The following LRRTM4 variants were observed in gnomAD, a reference collection of about 807,000 sequenced individuals.
LRRTM4 encodes leucine-rich repeat transmembrane neuronal protein 4.
A neutral mutation model predicts 47.6 loss-of-function variants in LRRTM4; 25 were observed. The observed-to-expected ratio is 0.53, with a 90% CI of 0.38 to 0.73. LRRTM4 has a LOEUF of 0.73. LRRTM4 is among the 30% of genes least tolerant of loss of function. The pLI, the probability that LRRTM4 is intolerant of heterozygous loss-of-function variation, is 0.00. For missense variants in LRRTM4, 638 were observed against 713.4 expected (o/e 0.89, Z 1.20); for synonymous variants, 311 against 269.5 (o/e 1.15, Z -1.51).
chr2:76,801,258 C>G (rs1426082734), intron 3 of LRRTM4, among the ~76,000 whole-genome samples: 1 of 151,968 alleles, frequency 6.6e-6, no homozygotes, highest in East Asian at 1.9e-4. Flanking sequence ...AGACTTGGAA[C>G]CAACCCAAAT....
At chr2:76,993,088 G>A (rs1192846186) in intron 3 of LRRTM4, among the ~76,000 whole-genome samples, 1 of 151,718 alleles carries the variant, frequency 6.6e-6, no homozygotes, top group Non-Finnish European at 1.5e-5. Context: ...AATAAAACTG[G>A]ACCCTTACCT....
chr2:77,057,546 T>C (rs777220885), intron 3 of LRRTM4, among the ~76,000 whole-genome samples: 10 of 152,158 alleles, frequency 6.6e-5, no homozygotes, highest in Admixed American at 3.3e-4. Context: ...TTACTATTAG[T>C]AACATGAATT....
chr2:76,985,470 C>G (rs1676761543), intron 3 of LRRTM4, among the ~76,000 whole-genome samples: 1 of 151,944 alleles, frequency 6.6e-6, no homozygotes, highest in Admixed American at 6.6e-5. Flanking sequence ...GATGTCCCTT[C>G]CAGAGACCTT....
intron 3 of LRRTM4, among the ~76,000 whole-genome samples, chr2:77,405,080 T>C (rs1674130157): frequency 6.6e-6 from 1 of 152,106 alleles, no homozygotes; most frequent in Admixed American, 6.6e-5. Context: ...AAATAGCAAG[T>C]GTAAGCCATG....
intron 3 of LRRTM4, among the ~76,000 whole-genome samples, chr2:77,247,365 C>T (rs932155586): frequency 3.3e-5 from 5 of 152,088 alleles, no homozygotes; most frequent in African/African-American, 1.2e-4. Flanking sequence ...TGAAGGATCA[C>T]AAAACCACAC....
chr2:77,163,540 T>C (rs1040882537), intron 3 of LRRTM4, among the ~76,000 whole-genome samples: 1 of 152,094 alleles, frequency 6.6e-6, no homozygotes, highest in East Asian at 1.9e-4. Flanking sequence ...TTACCAAAGA[T>C]GACGTGAAGG....
At chr2:77,378,908 T>C (rs1446163018) in intron 3 of LRRTM4, among the ~76,000 whole-genome samples, 1 of 152,192 alleles carries the variant, frequency 6.6e-6, no homozygotes, top group African/African-American at 2.4e-5. Context: ...CTCAGAAATA[T>C]TAAATCTTCC....
intron 3 of LRRTM4, among the ~76,000 whole-genome samples, chr2:77,272,129 T>A (rs769362357): frequency 6.6e-6 from 1 of 152,150 alleles, no homozygotes; most frequent in African/African-American, 2.4e-5. Context: ...ATTATAATCA[T>A]TCCCTCTGTA....
intron 3 of LRRTM4, among the ~76,000 whole-genome samples, chr2:76,795,636 G>A (rs1376479068): frequency 6.6e-6 from 1 of 151,718 alleles, no homozygotes; most frequent in Non-Finnish European, 1.5e-5. Flanking sequence ...GATGGACACA[G>A]GTTGACTCCA....
intron 3 of LRRTM4, among the ~76,000 whole-genome samples, chr2:76,832,722 A>G (rs1390095754): frequency 6.6e-6 from 1 of 152,078 alleles, no homozygotes; most frequent in Non-Finnish European, 1.5e-5. Flanking sequence ...AGGTAGTAAC[A>G]TTAATTAAAA....
rs140101416 is a variant in LRRTM4 at position 76,806,942 on chromosome 2, A to G, written c.1552-58026T>C. ...TGACTTATAAACTTATGGCCATATAAAAATTCACTGGCAGACAGAGAAATA... is the reference window on the plus strand; with the variant it reads ...TGACTTATAAACTTATGGCCATATAGAAATTCACTGGCAGACAGAGAAATA... On this transcript the variant is annotated intron_variant, in intron 3 of 3. Coordinates refer to ENST00000409884, the MANE Select transcript of LRRTM4 (RefSeq NM_001134745.3). Among the ~76,000 whole-genome samples the G allele has an allele frequency of 1.5e-4, 23 of 152,322 alleles. No homozygotes were observed. The East Asian group carries it at 4.4e-3, about 29-fold the overall frequency.
chr2:76,989,839 C>G (rs1676941289), intron 3 of LRRTM4: 2 of 151,680 alleles, frequency 1.3e-5, no homozygotes, highest in African/African-American at 4.8e-5. Context: ...ATTTGGTTTA[C>G]TTATCTCAAA....
intron 3 of LRRTM4, among the ~76,000 whole-genome samples, chr2:77,507,768 T>C (rs72813109): frequency 2.6e-5 from 4 of 152,072 alleles, no homozygotes; most frequent in Non-Finnish European, 5.9e-5. Flanking sequence ...TACTATCAAA[T>C]TGGAATCCCT....
chr2:77,488,646 A>C (rs945333942), intron 3 of LRRTM4, among the ~76,000 whole-genome samples: 1 of 152,230 alleles, frequency 6.6e-6, no homozygotes, highest in Non-Finnish European at 1.5e-5. Context: ...GGAATATAAC[A>C]AGCTCTTCTT....
chr2:77,010,268 T>G (rs1185164281), intron 3 of LRRTM4, among the ~76,000 whole-genome samples: 1 of 152,032 alleles, frequency 6.6e-6, no homozygotes, highest in Non-Finnish European at 1.5e-5. Flanking sequence ...ATTTGTGTTG[T>G]TTGATTAATA....
At chr2:77,502,309 T>C (rs1456137551) in intron 3 of LRRTM4, among the ~76,000 whole-genome samples, 1 of 151,432 alleles carries the variant, frequency 6.6e-6, no homozygotes, top group Non-Finnish European at 1.5e-5. Flanking sequence ...TTTGCTTTTA[T>C]GTATTTTATC....
chr2:77,276,686 CAT>C (rs3980215), intron 3 of LRRTM4, among the ~76,000 whole-genome samples: 4,746 of 70,448 alleles, frequency 0.067, 93 homozygotes, highest in East Asian at 0.083. Flanking sequence ...TTTGTGTACG[CAT>C]ATATATATAT....
chr2:77,157,106 A>G (rs1171401944), intron 3 of LRRTM4, among the ~76,000 whole-genome samples: 4 of 152,180 alleles, frequency 2.6e-5, no homozygotes, highest in Admixed American at 2.0e-4. Flanking sequence ...ATATCCAAGG[A>G]GGCATTACTT....
intron 3 of LRRTM4, among the ~76,000 whole-genome samples, chr2:76,956,277 A>C (rs994706523): frequency 1.3e-5 from 2 of 151,774 alleles, no homozygotes; most frequent in African/African-American, 4.8e-5. Flanking sequence ...GGAAACTAGA[A>C]ATTAATAGCA....
Sources: gnomAD v4.1 joint callset for allele counts (sites outside exome capture counted in the v4.1 genomes callset) on GRCh38, gnomAD v4.1.1 for gene constraint, MANE v1.5 for transcripts, NCBI Gene and HGNC (gene_info 2026-07-23, HGNC 2026-07-21) for gene names.